Variants in KCNK3 observed in about 807,000 individuals in gnomAD.
KCNK3 encodes the protein potassium two pore domain channel subfamily K member 3, also known as potassium channel subfamily K member 3.
KCNK3 carries 9 observed loss-of-function variants against 27.3 expected under a neutral mutation model. The observed-to-expected ratio is 0.33, with a 90% confidence interval of 0.20 to 0.57. KCNK3 has a LOEUF of 0.57. Among genes scored for constraint, KCNK3 ranks in the 20% least tolerant of loss-of-function variants. The pLI is 0.87. For synonymous variants in KCNK3, 278 were observed against 273.8 expected (o/e 1.02, Z -0.15); for missense variants, 391 against 577.7 (o/e 0.68, Z 3.31).
At chr2:26,726,980 C>A (rs1051856524) in intron 1 of KCNK3, among the ~76,000 whole-genome samples, 1 of 152,182 alleles carries the variant, frequency 6.6e-6, no homozygotes, top group African/African-American at 2.4e-5. Flanking sequence ...ATTCATCCTG[C>A]TCTTGCAGGG....
At chr2:26,704,567 C>T (rs1670347318) in intron 1 of KCNK3, among the ~76,000 whole-genome samples, 1 of 152,220 alleles carries the variant, frequency 6.6e-6, no homozygotes, top group East Asian at 1.9e-4. Context: ...ATAGGACCAT[C>T]CGGGGCTTTC....
Position 26,731,271 on chromosome 2 carries a change from C to T in KCNK3, c.*2703C>T, listed in dbSNP as rs1441734005. ...GGAGGGGCCATCTCCCACCCCCTCC[C>T]CTGCCGGGGTCTACAAACATATCTA... On this transcript the variant is annotated 3_prime_UTR_variant, in exon 2 of 2. Coordinates refer to ENST00000302909, the MANE Select transcript of KCNK3 (RefSeq NM_002246.3). 6.6e-6 allele frequency: 1 copy of T among 152,358 alleles called. No homozygotes were observed. Among genetic ancestry groups the T allele is most frequent in the Admixed American group, 6.5e-5 (1 of 15,270 alleles). The allele number at this position is 152,358 out of a possible 1,614,324, so 9.4% of individuals were successfully genotyped here. A position where few individuals can be genotyped will look rare whatever the true frequency, so the allele number is the denominator to read the frequency against.
chr2:26,702,224 G>T (rs1024716597), intron 1 of KCNK3, among the ~76,000 whole-genome samples: 4 of 151,998 alleles, frequency 2.6e-5, no homozygotes, highest in African/African-American at 2.4e-5. Context: ...TCACATGACA[G>T]AGAGAGAGAG....
Position 26,728,865 on chromosome 2 carries a change from A to C in KCNK3, c.*297A>C, listed in dbSNP as rs1663483592. 1 of 334,812 alleles carries C rather than the reference A, an allele frequency of 3.0e-6. No individual in the cohort carries two copies. The highest frequency in any genetic ancestry group is 5.4e-6 in the Non-Finnish European group (1 of 185,736). 20.7% of individuals were successfully genotyped at this position (334,812 alleles called of 1,614,324 possible). Reference sequence around the variant, plus strand: ...CTCCCTTCCCTTTGAAAATCTAAGAAGCTCCCAGTCCTCAGAGACCCTGCT... The same window carrying C: ...CTCCCTTCCCTTTGAAAATCTAAGACGCTCCCAGTCCTCAGAGACCCTGCT... On this transcript the variant is annotated 3_prime_UTR_variant, in exon 2 of 2. Transcript: ENST00000302909.
intron 1 of KCNK3, among the ~76,000 whole-genome samples, chr2:26,701,266 G>A (rs1432701368): frequency 6.6e-6 from 1 of 152,244 alleles, no homozygotes; most frequent in African/African-American, 2.4e-5. Flanking sequence ...AGGAGCTGTG[G>A]CCGCTTCCCT....
chr2:26,703,719 A>G (rs2148257585), intron 1 of KCNK3, among the ~76,000 whole-genome samples: 1 of 152,360 alleles, frequency 6.6e-6, no homozygotes, highest in Non-Finnish European at 1.5e-5. Flanking sequence ...GCCTTGGGTC[A>G]GTGGAATCTG....
chr2:26,728,423 C>T lies in KCNK3; in HGVS notation c.1040C>T (p.Pro347Leu), dbSNP rs879253615. The T allele has an allele frequency of 4.4e-6, 7 of 1,591,098 alleles. No individual in the cohort carries two copies. Among genetic ancestry groups the T allele is most frequent in the Non-Finnish European group, 6.0e-6 (7 of 1,165,418 alleles). Residue 347 changes from proline (P) to leucine (L), a missense_variant, in exon 2 of 2, where the codon CCG becomes CTG. Physicochemically the swap from Pro to Leu is moderately conservative, Grantham distance 98. Transcript: ENST00000302909. ...TGCGTGGAGCAGAGCCACTCGTCGC[C>T]GGGAGGGGGCGGCCGCTACAGCGAC... ...DTCVEQSHSS[P>L]GGGGRYSDTP...
rs947573554 is a variant in KCNK3 at position 26,711,356 on chromosome 2, A to G, written c.284-16311A>G. ...AAGGAACAGCGTGATTAACTCCCATATAAACATGCTGCCCCGCACTCTCCC... is the reference window on the plus strand; with the variant it reads ...AAGGAACAGCGTGATTAACTCCCATGTAAACATGCTGCCCCGCACTCTCCC... On this transcript the variant is annotated intron_variant, in intron 1 of 1. Coordinates refer to ENST00000302909, the MANE Select transcript of KCNK3 (RefSeq NM_002246.3). Among the ~76,000 whole-genome samples the G allele has an allele frequency of 8.5e-5, 13 of 152,244 alleles. No individual in the cohort carries two copies. In the East Asian group the frequency reaches 1.2e-3, roughly 14 times the overall value.
intron 1 of KCNK3, among the ~76,000 whole-genome samples, chr2:26,725,671 A>C (rs1470643023): frequency 2.0e-5 from 3 of 152,216 alleles, no homozygotes; most frequent in African/African-American, 7.2e-5. Flanking sequence ...TCCTAAGCAC[A>C]GTGGCTCTAC....
At chr2:26,713,237 A>G (rs1663158551) in intron 1 of KCNK3, among the ~76,000 whole-genome samples, 1 of 152,182 alleles carries the variant, frequency 6.6e-6, no homozygotes, top group African/African-American at 2.4e-5. Context: ...AGAAGAGATG[A>G]GGGAGGGAAG....
At chr2:26,695,868 C>G (rs1670228594) in intron 1 of KCNK3, among the ~76,000 whole-genome samples, 1 of 152,150 alleles carries the variant, frequency 6.6e-6, no homozygotes, top group Non-Finnish European at 1.5e-5. Flanking sequence ...ATCAGACCAC[C>G]CCCCTGGTTC....
intron 1 of KCNK3, among the ~76,000 whole-genome samples, chr2:26,695,564 G>T (rs1254871447): frequency 1.3e-5 from 2 of 152,202 alleles, no homozygotes; most frequent in East Asian, 3.9e-4. Flanking sequence ...GAAGTGTTTT[G>T]TCTCTTTGAC....
intron 1 of KCNK3, chr2:26,724,483 C>CA (rs1663377229): frequency 1.8e-6 from 1 of 565,212 alleles, no homozygotes; most frequent in African/African-American, 2.0e-5. Context: ...TTCATGACAC[C>CA]AACTGTAATA....
At chr2:26,697,332 C>T (rs2148253934) in intron 1 of KCNK3, among the ~76,000 whole-genome samples, 1 of 152,324 alleles carries the variant, frequency 6.6e-6, no homozygotes, top group East Asian at 1.9e-4. Context: ...TGGCAAAACC[C>T]AGTCTCTACT....
At chr2:26,704,235 A>G (rs1670342725) in intron 1 of KCNK3, among the ~76,000 whole-genome samples, 1 of 152,118 alleles carries the variant, frequency 6.6e-6, no homozygotes, top group Non-Finnish European at 1.5e-5. Flanking sequence ...CACACCAAGT[A>G]CAGTTTTATT....
intron 1 of KCNK3, among the ~76,000 whole-genome samples, chr2:26,698,931 C>G (rs1670268723): frequency 3.3e-5 from 5 of 152,106 alleles, no homozygotes; most frequent in African/African-American, 1.2e-4. Context: ...AATCACAGCA[C>G]TTTGGGAAGC....
intron 1 of KCNK3, among the ~76,000 whole-genome samples, chr2:26,723,272 C>T (rs911962369): frequency 6.6e-6 from 1 of 152,246 alleles, no homozygotes; most frequent in Non-Finnish European, 1.5e-5. Flanking sequence ...TCCCACACCA[C>T]CATCCCCACC....
At chr2:26,705,221 A>G (rs1670358063) in intron 1 of KCNK3, among the ~76,000 whole-genome samples, 1 of 152,108 alleles carries the variant, frequency 6.6e-6, no homozygotes, top group Non-Finnish European at 1.5e-5. Context: ...GGCCTCCCAA[A>G]GTTCTGGAAT....
At position 26,710,946 on chromosome 2, in the gene KCNK3, G is replaced by A. The variant is rs148241763; in HGVS notation, c.284-16721G>A. ...TTTATTTTTAAAGTAACACTGGCAC[G>A]TGGCTGGCCGGCTGCCCTTCCCAGG... On this transcript the variant is annotated intron_variant, in intron 1 of 1. Transcript: ENST00000302909. Among the ~76,000 whole-genome samples the A allele has an allele frequency of 2.5e-3, 383 of 152,316 alleles. 3 individuals are homozygous for A. Among genetic ancestry groups the A allele is most frequent in the African/African-American group, 8.6e-3 (358 of 41,568 alleles).
Sources: allele counts gnomAD v4.1 joint callset (sites outside exome capture counted in the v4.1 genomes callset), GRCh38; gene constraint gnomAD v4.1.1; transcripts MANE v1.5; gene names NCBI Gene and HGNC (gene_info 2026-07-23, HGNC 2026-07-21).